The following CDIN1 variants were observed in gnomAD, a reference collection of about 807,000 sequenced individuals.
The protein encoded by CDIN1 is CDAN1-interacting nuclease 1.
CDIN1 carries 33 observed loss-of-function variants against 45.3 expected under a neutral mutation model. The observed-to-expected ratio is 0.73, with a 90% confidence interval of 0.55 to 0.97. The LOEUF is 0.97. Among genes scored for constraint, CDIN1 ranks in the 50% least tolerant of loss-of-function variants. CDIN1 has a pLI of 0.00. For synonymous variants in CDIN1, 118 were observed against 124.4 expected (o/e 0.95, Z 0.34); for missense variants, 303 against 339.4 (o/e 0.89, Z 0.84).
At chr15:36,807,250 T>C (rs2055259631) in intron 10 of CDIN1, among the ~76,000 whole-genome samples, 2 of 152,150 alleles carry the variant, frequency 1.3e-5, no homozygotes, top group African/African-American at 4.8e-5. Context: ...TAATAAATCA[T>C]GGAAGGCAAA....
intron 1 of CDIN1, among the ~76,000 whole-genome samples, chr15:36,631,475 A>G (rs1000615283): frequency 6.6e-6 from 1 of 152,138 alleles, no homozygotes; most frequent in African/African-American, 2.4e-5. Context: ...TGATTTTCCT[A>G]TTCTAGACAT....
intron 10 of CDIN1, among the ~76,000 whole-genome samples, chr15:36,792,968 C>G (rs781083780): frequency 1.3e-5 from 2 of 152,102 alleles, no homozygotes; most frequent in Admixed American, 1.3e-4. Context: ...TTTCCTGCAC[C>G]GTCCTGAAAG....
intron 10 of CDIN1, among the ~76,000 whole-genome samples, chr15:36,757,892 T>A (rs370949198): frequency 2.6e-5 from 4 of 152,142 alleles, no homozygotes; most frequent in African/African-American, 9.7e-5. Context: ...TATAGAACAA[T>A]AAGATAGTTT....
At chr15:36,759,822 C>T (rs191698925) in intron 10 of CDIN1, among the ~76,000 whole-genome samples, 2 of 152,198 alleles carry the variant, frequency 1.3e-5, no homozygotes, top group Non-Finnish European at 2.9e-5. Context: ...AGAGAGCAAA[C>T]GGGGAAGTGC....
intron 3 of CDIN1, among the ~76,000 whole-genome samples, chr15:36,651,197 A>G (rs1712280415): frequency 6.6e-6 from 1 of 152,212 alleles, no homozygotes; most frequent in Non-Finnish European, 1.5e-5. Flanking sequence ...TAGTATTGAG[A>G]ATGACATCTG....
At chr15:36,591,412 G>A (rs2037566432) in intron 1 of CDIN1, among the ~76,000 whole-genome samples, 1 of 152,126 alleles carries the variant, frequency 6.6e-6, no homozygotes, top group African/African-American at 2.4e-5. Flanking sequence ...GGAATATGAG[G>A]CAGACTGTTC....
chr15:36,619,520 C>CT, intron 1 of CDIN1, among the ~76,000 whole-genome samples: 1 of 127,548 alleles, frequency 7.8e-6, no homozygotes, highest in South Asian at 2.5e-4. Context: ...TCTATCTATC[C>CT]ATCCATCCAC....
chr15:36,708,216 A>G (rs933336943), intron 8 of CDIN1: 3 of 152,164 alleles, frequency 2.0e-5, no homozygotes, highest in African/African-American at 7.2e-5. Context: ...ATTTTAATCA[A>G]AGGTGATGCA....
chr15:36,799,178 G>A lies in CDIN1; in HGVS notation c.717-9146G>A, dbSNP rs1231424095. On this transcript the variant is annotated intron_variant, in intron 10 of 10. Transcript: ENST00000566621. ...AAGGCTGGGGTATAAATTCCAGATC[G>A]ATGGACATGATTTGCACCCAGTGTC... 5 of 152,176 alleles carry A rather than the reference G, an allele frequency of 3.3e-5. No homozygotes were observed. In the East Asian group the frequency reaches 9.6e-4, roughly 29 times the overall value. The allele number at this position is 152,176 out of a possible 1,614,324, so 9.4% of individuals were successfully genotyped here. A position where few individuals can be genotyped will look rare whatever the true frequency, so the allele number is the denominator to read the frequency against.
rs114440259 is a variant in CDIN1, at chr15:36,808,941, C to T, written c.*488C>T. Reference sequence around the variant, plus strand: ...GCATTACCATCGTGGAATAATCTAGCGCAAACCTAGGAAAGCTGAAGCCAC... The same window carrying T: ...GCATTACCATCGTGGAATAATCTAGTGCAAACCTAGGAAAGCTGAAGCCAC... On this transcript the variant is annotated 3_prime_UTR_variant, in exon 11 of 11. Coordinates refer to ENST00000566621, the MANE Select transcript of CDIN1 (RefSeq NM_001321759.2). 3,985 of 455,884 alleles carry T rather than the reference C, an allele frequency of 8.7e-3. 122 individuals are homozygous for T. The highest frequency in any genetic ancestry group is 0.062 in the African/African-American group (3,104 of 50,096). 28.2% of individuals were successfully genotyped at this position (455,884 alleles called of 1,614,324 possible). A position where few individuals can be genotyped will look rare whatever the true frequency, so the allele number is the denominator to read the frequency against.
At position 36,726,785 on chromosome 15, in the gene CDIN1, C is replaced by T. The variant is rs58262808; in HGVS notation, c.716+16824C>T. 2.9e-3 allele frequency among the ~76,000 whole-genome samples: 445 copies of T among 152,202 alleles called. 6 individuals are homozygous for T. Among genetic ancestry groups the T allele is most frequent in the African/African-American group, 9.8e-3 (405 of 41,536 alleles). On this transcript the variant is annotated intron_variant, in intron 10 of 10. Transcript: ENST00000566621. ...GAAATGATAGAGAGAGGGTTAAGTC[C>T]TGAGTACAGTATAAACTGTAGTAGA... is the stretch of plus-strand genomic sequence containing the variant.
intron 1 of CDIN1, among the ~76,000 whole-genome samples, chr15:36,616,924 C>A (rs8041682): frequency 0.24 from 35,509 of 150,966 alleles, 4,192 homozygotes; most frequent in Middle Eastern, 0.33. Flanking sequence ...GACTTAGTGT[C>A]AAAAAAATAT....
chr15:36,674,915 A>G (rs191394329), intron 5 of CDIN1, among the ~76,000 whole-genome samples: 10 of 152,200 alleles, frequency 6.6e-5, no homozygotes, highest in South Asian at 4.2e-4. Flanking sequence ...AGATGTACCA[A>G]TCTCCGAGAA....
At chr15:36,748,039 G>A (rs2044507968) in intron 10 of CDIN1, among the ~76,000 whole-genome samples, 1 of 152,214 alleles carries the variant, frequency 6.6e-6, no homozygotes, top group Non-Finnish European at 1.5e-5. Flanking sequence ...AAGGGCACAG[G>A]TCTGGGGGAG....
chr15:36,764,442 C>T (rs2141006852), intron 10 of CDIN1, among the ~76,000 whole-genome samples: 1 of 152,114 alleles, frequency 6.6e-6, no homozygotes, highest in East Asian at 1.9e-4. Flanking sequence ...GTCTTCAGAG[C>T]TTTGGATTCA....
chr15:36,702,519 C>G (rs915109194), intron 8 of CDIN1, among the ~76,000 whole-genome samples: 1 of 152,132 alleles, frequency 6.6e-6, no homozygotes, highest in Non-Finnish European at 1.5e-5. Flanking sequence ...CCTGGCCCTC[C>G]CTCACCACTG....
At chr15:36,663,006 G>A (rs536974472) in intron 5 of CDIN1, among the ~76,000 whole-genome samples, 40 of 151,854 alleles carry the variant, frequency 2.6e-4, no homozygotes, top group Non-Finnish European at 4.4e-4. Flanking sequence ...TTTTGAATTT[G>A]GGATGCCCAA....
intron 8 of CDIN1, among the ~76,000 whole-genome samples, chr15:36,698,354 T>C (rs1279292594): frequency 6.6e-6 from 1 of 152,226 alleles, no homozygotes; most frequent in Non-Finnish European, 1.5e-5. Context: ...CTTGGAGATA[T>C]CATAAATATT....
chr15:36,616,885 A>G (rs1438697407), intron 1 of CDIN1, among the ~76,000 whole-genome samples: 1 of 152,134 alleles, frequency 6.6e-6, no homozygotes, highest in Non-Finnish European at 1.5e-5. Context: ...AGATCGTGCT[A>G]CTGCACTCCA....
Sources: gnomAD v4.1 joint callset for allele counts (sites outside exome capture counted in the v4.1 genomes callset) on GRCh38, gnomAD v4.1.1 for gene constraint, MANE v1.5 for transcripts, NCBI Gene and HGNC (gene_info 2026-07-23, HGNC 2026-07-21) for gene names.